The following GRIN2A variants were observed in gnomAD, a reference collection of about 807,000 sequenced individuals.
GRIN2A encodes the protein glutamate ionotropic receptor NMDA type subunit 2A, also known as glutamate receptor ionotropic, NMDA 2A.
Under a neutral mutation model 113.4 loss-of-function variants are expected in GRIN2A, and 22 were observed. That is an observed-to-expected ratio of 0.19 (90% CI 0.14 to 0.28). The LOEUF (loss-of-function observed/expected upper bound fraction) is 0.28. GRIN2A is among the 10% of genes least tolerant of loss of function. The pLI, the probability that GRIN2A is intolerant of heterozygous loss-of-function variation, is 1.00. For synonymous variants in GRIN2A, 827 were observed against 738.4 expected, an observed-to-expected ratio of 1.12 and a Z score of -1.94; for missense variants, 1,502 against 1,887.0, an observed-to-expected ratio of 0.80 and a Z score of 3.78.
intron 2 of GRIN2A, among the ~76,000 whole-genome samples, chr16:10,091,747 T>A (rs1312906555): frequency 6.6e-6 from 1 of 152,218 alleles, no homozygotes; most frequent in Non-Finnish European, 1.5e-5. Flanking sequence ...GACATTATGC[T>A]AAGTGAAAGA....
At chr16:9,992,245 G>A (rs376000715) in intron 2 of GRIN2A, among the ~76,000 whole-genome samples, 8 of 152,102 alleles carry the variant, frequency 5.3e-5, no homozygotes, top group African/African-American at 1.4e-4. Flanking sequence ...TTGCAATCCT[G>A]GTTCTTAATA....
chr16:10,061,978 C>T (rs1204296932), intron 2 of GRIN2A, among the ~76,000 whole-genome samples: 2 of 152,134 alleles, frequency 1.3e-5, no homozygotes, highest in Non-Finnish European at 2.9e-5. Context: ...CAGAGAAGTA[C>T]TAAAAGGGAT....
At chr16:9,929,980 A>C (rs1304546928) in intron 3 of GRIN2A, among the ~76,000 whole-genome samples, 1 of 152,154 alleles carries the variant, frequency 6.6e-6, no homozygotes, top group African/African-American at 2.4e-5. Context: ...CGAGCTATTC[A>C]TTGGGTGCCA....
At chr16:9,889,542 A>G (rs571123809) in intron 4 of GRIN2A, among the ~76,000 whole-genome samples, 3 of 152,034 alleles carry the variant, frequency 2.0e-5, no homozygotes, top group Non-Finnish European at 2.9e-5. Context: ...TAAATTTATA[A>G]GCTTAAATCA....
intron 3 of GRIN2A, among the ~76,000 whole-genome samples, chr16:9,937,332 G>T (rs1306560038): frequency 6.6e-6 from 1 of 152,020 alleles, no homozygotes; most frequent in Non-Finnish European, 1.5e-5. Flanking sequence ...AATAATAAAT[G>T]ACTTGTGTAT....
intron 2 of GRIN2A, among the ~76,000 whole-genome samples, chr16:10,172,160 G>A (rs892937066): frequency 1.5e-4 from 23 of 152,300 alleles, no homozygotes; most frequent in African/African-American, 5.3e-4. Flanking sequence ...CATTTTGCAG[G>A]AGAACCAGAG....
At position 9,769,001 on chromosome 16, in the gene GRIN2A, G is replaced by A. The variant is rs754929310; in HGVS notation, c.2445C>T (p.Asp815=). The A allele has an allele frequency of 1.2e-6, 2 of 1,614,182 alleles. No homozygotes were observed. The part of the protein sequence containing the change: ...NEVMSSQLDI[D]NMAGVFYMLA... ...GCATGTAGAATACGCCCGCCATGTT[G>A]TCAATGTCCAGCTGGCTGCTCATCA... Residue 815 remains aspartate (D), a synonymous_variant, in exon 12 of 13, where the codon GAC becomes GAT. Transcript: ENST00000330684.
At position 9,855,048 on chromosome 16, in the gene GRIN2A, T is replaced by C. The variant is rs9926912; in HGVS notation, c.1123-5087A>G. Among the ~76,000 whole-genome samples, 948 of 151,848 alleles carry C rather than the reference T, an allele frequency of 6.2e-3. 15 individuals are homozygous for C. The highest frequency in any genetic ancestry group is 0.022 in the African/African-American group (909 of 41,348). On this transcript the variant is annotated intron_variant, in intron 4 of 12. Transcript: ENST00000330684. ...TGTGCTGTATACATGTACATGTATATGCACATATGGATCCCATTGAGTTTT... is the reference window on the plus strand; with the variant it reads ...TGTGCTGTATACATGTACATGTATACGCACATATGGATCCCATTGAGTTTT...
chr16:9,922,637 G>C (rs561361393), intron 3 of GRIN2A, among the ~76,000 whole-genome samples: 28 of 152,322 alleles, frequency 1.8e-4, no homozygotes, highest in African/African-American at 6.5e-4. Context: ...CTGTGACTTG[G>C]TTAACTGAAG....
intron 3 of GRIN2A, among the ~76,000 whole-genome samples, chr16:9,914,166 C>T (rs2044197142): frequency 1.3e-5 from 2 of 151,260 alleles, no homozygotes; most frequent in South Asian, 2.1e-4. Context: ...AGCTAAAGTA[C>T]AGCCAAGAGT....
At chr16:10,059,122 G>C (rs942177427) in intron 2 of GRIN2A, among the ~76,000 whole-genome samples, 6 of 152,164 alleles carry the variant, frequency 3.9e-5, no homozygotes, top group Non-Finnish European at 8.8e-5. Flanking sequence ...TTGCTGGAGT[G>C]AACATAGCAA....
intron 2 of GRIN2A, among the ~76,000 whole-genome samples, chr16:9,958,238 T>C (rs1307874480): frequency 6.6e-6 from 1 of 152,218 alleles, no homozygotes; most frequent in Non-Finnish European, 1.5e-5. Context: ...TAATTGCCAT[T>C]AATAACATCC....
rs367543123 is a variant in GRIN2A, at chr16:9,938,236, G to A, written c.730C>T (p.Arg244Cys). The stretch of plus-strand genomic sequence containing the variant: ...TCATACCCGGTGAGGCCAAGGGAGC[G>A]GGCCTCACTCAGAATGAGAACAGCC... Reference protein sequence around the residue: ...DEAVLILSEARSLGLTGYDFF... With the variant: ...DEAVLILSEACSLGLTGYDFF... Residue 244 changes from arginine (R) to cysteine (C), a missense_variant, in exon 3 of 13, where the codon CGC (arginine) becomes TGC (cysteine). Transcript: ENST00000330684. 2.5e-6 allele frequency: 4 copies of A among 1,613,374 alleles called. No homozygotes were observed. Among genetic ancestry groups the A allele is most frequent in the Non-Finnish European group, 3.4e-6 (4 of 1,179,290 alleles).
intron 2 of GRIN2A, among the ~76,000 whole-genome samples, chr16:9,992,524 T>C (rs2046138312): frequency 6.6e-6 from 1 of 152,160 alleles, no homozygotes; most frequent in African/African-American, 2.4e-5. Flanking sequence ...GGAGAAGGTG[T>C]CCGTGGTGAA....
chr16:9,986,764 C>CAAAAAAAAAA (rs3065539), intron 2 of GRIN2A, among the ~76,000 whole-genome samples: 1 of 112,054 alleles, frequency 8.9e-6, no homozygotes, highest in African/African-American at 3.5e-5. Flanking sequence ...GACGCTGTCT[C>CAAAAAAAAAA]AAAAAAAAAA....
In GRIN2A at chr16:10,144,607, A is replaced by G. The variant is rs1003858051; in HGVS notation, c.414+35391T>C. Reference sequence around the variant, plus strand: ...ATTTGCAAATATTTTCTCCCATTCTATAGGATACCTTTTCATTCTGTTGAT... The same window carrying G: ...ATTTGCAAATATTTTCTCCCATTCTGTAGGATACCTTTTCATTCTGTTGAT... On this transcript the variant is annotated intron_variant, in intron 2 of 12. Coordinates refer to ENST00000330684, the MANE Select transcript of GRIN2A (RefSeq NM_001134407.3). Among the ~76,000 whole-genome samples, 8 of 152,178 alleles carry G rather than the reference A, an allele frequency of 5.3e-5. No homozygotes were observed. In the East Asian group the frequency reaches 5.8e-4, roughly 11 times the overall value.
At chr16:10,069,153 G>A (rs1317383389) in intron 2 of GRIN2A, among the ~76,000 whole-genome samples, 1 of 152,198 alleles carries the variant, frequency 6.6e-6, no homozygotes, top group Non-Finnish European at 1.5e-5. Context: ...AAAGGATGAA[G>A]TAGGGGAGGA....
chr16:9,988,940 A>G (rs1470685949), intron 2 of GRIN2A, among the ~76,000 whole-genome samples: 3 of 152,218 alleles, frequency 2.0e-5, no homozygotes, highest in Non-Finnish European at 4.4e-5. Context: ...AATATTGAAG[A>G]CTTGATATCT....
At chr16:9,829,722 C>T in intron 8 of GRIN2A, 70 bp from the exon 9 acceptor site, 1 of 938,954 alleles carries the variant, frequency 1.1e-6, no homozygotes, top group Admixed American at 1.8e-5. Context: ...GACAACCACG[C>T]AGCAGCCACC....
Sources: gnomAD v4.1 joint callset for allele counts (sites outside exome capture counted in the v4.1 genomes callset) on GRCh38, gnomAD v4.1.1 for gene constraint, MANE v1.5 for transcripts, NCBI Gene and HGNC (gene_info 2026-07-23, HGNC 2026-07-21) for gene names.